Variants in GRIK3 observed in about 807,000 individuals in gnomAD.
GRIK3 encodes the protein glutamate receptor ionotropic, kainate 3.
GRIK3 carries 29 observed loss-of-function variants against 102.5 expected under a neutral mutation model. The observed-to-expected ratio is 0.28, with a 90% CI of 0.21 to 0.39. GRIK3 has a LOEUF of 0.39. Among genes scored for constraint, GRIK3 ranks in the 10% least tolerant of loss-of-function variants. GRIK3 has a pLI of 1.00. For missense variants in GRIK3, 908 were observed against 1,252.4 expected (o/e 0.73, Z 4.15); for synonymous variants, 511 against 504.9 (o/e 1.01, Z -0.16).
At chr1:36,919,167 C>G (rs564561832) in intron 1 of GRIK3, among the ~76,000 whole-genome samples, 2 of 152,224 alleles carry the variant, frequency 1.3e-5, no homozygotes, top group African/African-American at 4.8e-5. Flanking sequence ...CAGTCCTTGC[C>G]TTGGTTTGTT....
At chr1:36,844,928 A>T (rs547836153) in intron 9 of GRIK3, among the ~76,000 whole-genome samples, 1 of 152,262 alleles carries the variant, frequency 6.6e-6, no homozygotes, top group Non-Finnish European at 1.5e-5. Context: ...CCCTGTCTTC[A>T]CGCCCCTCCC....
chr1:36,915,204 G>A (rs972618100), intron 1 of GRIK3, among the ~76,000 whole-genome samples: 2 of 152,158 alleles, frequency 1.3e-5, no homozygotes, highest in Admixed American at 6.5e-5. Context: ...CACCTTGCTT[G>A]CTTTCTCAAA....
At position 36,906,288 on chromosome 1, in the gene GRIK3, TCTATCCAC is replaced by T. The variant is rs1641283580; in HGVS notation, c.116-15200_116-15193del. 3.0e-4 allele frequency among the ~76,000 whole-genome samples: 46 copies of T among 152,208 alleles called. 2 individuals carry two copies. Among genetic ancestry groups the T allele is most frequent in the Admixed American group, 3.0e-3 (46 of 15,280 alleles). On this transcript the variant is annotated intron_variant, in intron 1 of 15. Coordinates refer to ENST00000373091, the MANE Select transcript of GRIK3 (RefSeq NM_000831.4). Reference sequence around the variant, plus strand: ...GCCATGCTTCAGTCCCAAACCTAGCTCTATCCACTGGAGGAAGTTACTCAGACTCTCTG... The same window carrying T: ...GCCATGCTTCAGTCCCAAACCTAGCTTGGAGGAAGTTACTCAGACTCTCTG...
intron 1 of GRIK3, among the ~76,000 whole-genome samples, chr1:36,996,719 G>A (rs1198390221): frequency 6.6e-6 from 1 of 152,196 alleles, no homozygotes; most frequent in Non-Finnish European, 1.5e-5. Context: ...CGGTGTCTCT[G>A]TCTGTAGCTC....
At chr1:37,004,847 C>T (rs552605692) in intron 1 of GRIK3, among the ~76,000 whole-genome samples, 35 of 152,280 alleles carry the variant, frequency 2.3e-4, no homozygotes, top group African/African-American at 6.7e-4. Flanking sequence ...CTCTTGAGAC[C>T]GCTGTGTTCC....
chr1:36,915,476 C>A (rs1641389283), intron 1 of GRIK3, among the ~76,000 whole-genome samples: 1 of 152,170 alleles, frequency 6.6e-6, no homozygotes, highest in Non-Finnish European at 1.5e-5. Context: ...CAGCAAAACT[C>A]CGGGGTGGGA....
chr1:36,827,207 C>T (rs1470387983), intron 10 of GRIK3, among the ~76,000 whole-genome samples: 1 of 152,184 alleles, frequency 6.6e-6, no homozygotes, highest in African/African-American at 2.4e-5. Context: ...CTGAGTGCGG[C>T]TGGAGCTGGG....
chr1:36,990,158 T>TGA (rs1642349363), intron 1 of GRIK3, among the ~76,000 whole-genome samples: 1 of 152,086 alleles, frequency 6.6e-6, no homozygotes. Context: ...CCTGCCTGGT[T>TGA]GAGCCCTGAG....
intron 4 of GRIK3, among the ~76,000 whole-genome samples, chr1:36,871,533 C>G (rs1014579243): frequency 2.0e-5 from 3 of 152,230 alleles, no homozygotes; most frequent in Non-Finnish European, 4.4e-5. Flanking sequence ...CTGTGGCACC[C>G]TTGGAGCGGG....
At chr1:36,999,021 T>C (rs1315749320) in intron 1 of GRIK3, among the ~76,000 whole-genome samples, 4 of 146,816 alleles carry the variant, frequency 2.7e-5, no homozygotes, top group Non-Finnish European at 6.0e-5. Context: ...TGTGTGTGTG[T>C]TGGGGGTGGG....
intron 1 of GRIK3, among the ~76,000 whole-genome samples, chr1:36,973,586 A>T (rs1311462681): frequency 2.8e-5 from 4 of 141,582 alleles, no homozygotes; most frequent in African/African-American, 1.1e-4. Flanking sequence ...CGCCCGGCTA[A>T]TTTTTTTTTT....
rs1642672621 is a variant in GRIK3 at position 36,819,460 on chromosome 1, G to A, written c.1873+276C>T. Reference sequence around the variant, plus strand: ...GGGTGCTCTATGTCCACCTCAGCTGGAGCAGGAGGTGGGGGATGCGTCCCG... The same window carrying A: ...GGGTGCTCTATGTCCACCTCAGCTGAAGCAGGAGGTGGGGGATGCGTCCCG... On this transcript the variant is annotated intron_variant, in intron 12 of 15. Coordinates refer to ENST00000373091, the MANE Select transcript of GRIK3 (RefSeq NM_000831.4). This position sits in a 1 kb window ranked among gnomAD's most constrained non-coding sequence, Gnocchi z 4.1. 6.6e-6 allele frequency among the ~76,000 whole-genome samples: 1 copy of A among 152,220 alleles called. No homozygotes were observed. The highest frequency in any genetic ancestry group is 2.4e-5 in the African/African-American group (1 of 41,456).
chr1:36,871,784 G>A (rs1640846406), intron 4 of GRIK3, among the ~76,000 whole-genome samples: 1 of 152,226 alleles, frequency 6.6e-6, no homozygotes, highest in African/African-American at 2.4e-5. Flanking sequence ...GGAAGAGGCG[G>A]TGAGGCATTC....
chr1:37,027,979 T>G (rs1181686979), intron 1 of GRIK3, among the ~76,000 whole-genome samples: 1 of 152,188 alleles, frequency 6.6e-6, no homozygotes, highest in Non-Finnish European at 1.5e-5. Flanking sequence ...CAGCAACACA[T>G]GTTCCAGGAC....
intron 1 of GRIK3, among the ~76,000 whole-genome samples, chr1:37,000,847 C>A (rs971338067): frequency 6.6e-6 from 1 of 152,192 alleles, no homozygotes; most frequent in African/African-American, 2.4e-5. Flanking sequence ...CAGCGCAGAT[C>A]CAAATTCCTT....
At chr1:36,884,646 A>G (rs1641018641) in intron 2 of GRIK3, among the ~76,000 whole-genome samples, 1 of 151,806 alleles carries the variant, frequency 6.6e-6, no homozygotes, top group African/African-American at 2.4e-5. Context: ...ACTCTCTCCT[A>G]CCTTTGTTTT....
At chr1:36,817,712 T>A (rs562834632) in intron 12 of GRIK3, among the ~76,000 whole-genome samples, 4 of 152,296 alleles carry the variant, frequency 2.6e-5, no homozygotes, top group African/African-American at 9.6e-5. Context: ...CTCGAGTGAA[T>A]CCTGCTCCCA....
intron 1 of GRIK3, among the ~76,000 whole-genome samples, chr1:36,922,038 G>A (rs1641479170): frequency 1.3e-5 from 2 of 152,170 alleles, no homozygotes; most frequent in Non-Finnish European, 2.9e-5. Context: ...AGAGGGGTAG[G>A]CCCCTATGAC....
chr1:36,957,436 C>CCCCG (rs1557440303), intron 1 of GRIK3, among the ~76,000 whole-genome samples: 108 of 92,946 alleles, frequency 1.2e-3, no homozygotes, highest in East Asian at 2.0e-3. Context: ...AGCCTCTGTG[C>CCCCG]TCTGTGAGTC....
Sources: allele counts gnomAD v4.1 joint callset (sites outside exome capture counted in the v4.1 genomes callset), GRCh38; gene constraint gnomAD v4.1.1; non-coding constraint Gnocchi (gnomAD v3.1); transcripts MANE v1.5; gene names NCBI Gene and HGNC (gene_info 2026-07-23, HGNC 2026-07-21).